The following PRKAR1A variants were observed in gnomAD, a reference collection of about 807,000 sequenced individuals.
PRKAR1A encodes cAMP-dependent protein kinase type I-alpha regulatory subunit.
A neutral mutation model predicts 52.0 loss-of-function variants in PRKAR1A; 3 were observed. The observed-to-expected ratio is 0.06, with a 90% CI of 0.03 to 0.15. The LOEUF (loss-of-function observed/expected upper bound fraction) is 0.15, where lower values mean the gene tolerates loss of function less well. PRKAR1A is among the 10% of genes least tolerant of loss of function. The pLI is 1.00. For synonymous variants in PRKAR1A, 188 were observed against 168.4 expected, an observed-to-expected ratio of 1.12 and a Z score of -0.90; for missense variants, 240 against 477.4, an observed-to-expected ratio of 0.50 and a Z score of 4.63.
intron 7 of PRKAR1A, 124 bp downstream of exon 7, chr17:68,526,036 A>C: frequency 8.0e-7 from 1 of 1,244,494 alleles, no homozygotes; most frequent in Non-Finnish European, 1.1e-6. Context: ...TCTTTTAATA[A>C]GCGAATATTT....
chr17:68,414,277 G>C, the PRKAR1A span: 1 of 152,186 alleles, frequency 6.6e-6, no homozygotes, highest in Non-Finnish European at 1.5e-5. Flanking sequence ...AGATGACCAT[G>C]TGATTTTTGT....
the PRKAR1A span, among the ~76,000 whole-genome samples, chr17:68,475,750 G>A: frequency 4.6e-5 from 7 of 152,104 alleles, no homozygotes; most frequent in East Asian, 1.9e-4. Context: ...GTGAGCCACC[G>A]CGCCCAGCCC....
intron 1 of PRKAR1A, chr17:68,512,946 T>G (rs2085309902): frequency 6.6e-6 from 1 of 152,372 alleles, no homozygotes; most frequent in African/African-American, 2.4e-5. Flanking sequence ...CGCCATCGTC[T>G]CGTCCGCCGG....
At chr17:68,515,919 T>C (rs1354481167) in intron 2 of PRKAR1A, 2 of 246,230 alleles carry the variant, frequency 8.1e-6, no homozygotes, top group Non-Finnish European at 1.6e-5. Context: ...TCTATAGTTC[T>C]TAAAGGCAGT....
upstream of PRKAR1A, among the ~76,000 whole-genome samples, chr17:68,507,815 A>G (rs748985609): frequency 7.2e-5 from 11 of 152,230 alleles, no homozygotes; most frequent in Non-Finnish European, 1.5e-4. Context: ...CTAGGAGATT[A>G]GTATTCAAAG....
At chr17:68,489,235 G>GTATATATATA in the PRKAR1A span, among the ~76,000 whole-genome samples, 1 of 10,090 alleles carries the variant, frequency 9.9e-5, no homozygotes, top group African/African-American at 3.4e-4. Context: ...TATATGGAAA[G>GTATATATATA]TATATATATA....
chr17:68,497,047 C>T, the PRKAR1A span, among the ~76,000 whole-genome samples: 1 of 152,052 alleles, frequency 6.6e-6, no homozygotes, highest in African/African-American at 2.4e-5. Flanking sequence ...TGGTCTCGAA[C>T]TCCTGAGCTC....
At chr17:68,458,983 A>G in the PRKAR1A span, among the ~76,000 whole-genome samples, 1 of 152,184 alleles carries the variant, frequency 6.6e-6, no homozygotes, top group East Asian at 1.9e-4. Context: ...ATAGATGAAC[A>G]AAGGGCACTA....
At chr17:68,425,861 T>C in the PRKAR1A span, 1 of 525,470 alleles carries the variant, frequency 1.9e-6, no homozygotes, top group Non-Finnish European at 3.4e-6. Context: ...GTGACTCTAA[T>C]GCCATCAGGG....
the PRKAR1A span, chr17:68,424,333 C>A: frequency 4.2e-6 from 2 of 471,588 alleles, no homozygotes; most frequent in East Asian, 1.3e-4. Context: ...AAAACAACAG[C>A]CCCAGCCCTG....
the PRKAR1A span, chr17:68,450,727 C>G: frequency 6.2e-7 from 1 of 1,604,826 alleles, no homozygotes; most frequent in Admixed American, 1.7e-5. Context: ...TCCCCACTTA[C>G]TTGCCGGTTC....
At chr17:68,491,392 A>G in the PRKAR1A span, among the ~76,000 whole-genome samples, 3 of 152,162 alleles carry the variant, frequency 2.0e-5, no homozygotes, top group African/African-American at 4.8e-5. Flanking sequence ...GCGCCCAGCC[A>G]AAATGATTAT....
intron 1 of PRKAR1A, chr17:68,513,097 GT>G (rs2085317499): frequency 6.8e-6 from 1 of 146,694 alleles, no homozygotes; most frequent in African/African-American, 2.6e-5. Flanking sequence ...ATTTCCTCTT[GT>G]CCCCTTTCAC....
At chr17:68,439,280 A>G in the PRKAR1A span, among the ~76,000 whole-genome samples, 2 of 152,242 alleles carry the variant, frequency 1.3e-5, no homozygotes, top group African/African-American at 4.8e-5. Flanking sequence ...TATTTTTATA[A>G]TAGAATATTA....
chr17:68,520,954 A>T (rs1368547701), intron 2 of PRKAR1A, among the ~76,000 whole-genome samples: 1 of 151,608 alleles, frequency 6.6e-6, no homozygotes, highest in South Asian at 2.1e-4. Context: ...TTTTATTATT[A>T]TTTTTTTGAG....
the PRKAR1A span, among the ~76,000 whole-genome samples, chr17:68,442,587 C>T: frequency 1.3e-5 from 2 of 152,010 alleles, no homozygotes; most frequent in African/African-American, 2.4e-5. Flanking sequence ...CATTTACTGT[C>T]CACTCCCCTC....
At chr17:68,423,997 C>T in the PRKAR1A span, among the ~76,000 whole-genome samples, 3 of 152,124 alleles carry the variant, frequency 2.0e-5, no homozygotes, top group East Asian at 5.8e-4. The surrounding 1 kb of genome is among the most constrained non-coding windows in gnomAD (Gnocchi z 4.4). Context: ...TCACATTTGT[C>T]CCCACGGTGT....
At chr17:68,549,426 C>T (rs2086728265) in intron 11 of PRKAR1A, among the ~76,000 whole-genome samples, 1 of 150,700 alleles carries the variant, frequency 6.6e-6, no homozygotes, top group Non-Finnish European at 1.5e-5. Flanking sequence ...CCTGGGAGGC[C>T]GAGGTTGCAG....
chr17:68,439,827 C>T, the PRKAR1A span, among the ~76,000 whole-genome samples: 1 of 152,122 alleles, frequency 6.6e-6, no homozygotes, highest in Non-Finnish European at 1.5e-5. Flanking sequence ...GAGGTCTTTC[C>T]AGATTTAACA....
Sources: allele counts gnomAD v4.1 joint callset (sites outside exome capture counted in the v4.1 genomes callset), GRCh38; gene constraint gnomAD v4.1.1; non-coding constraint Gnocchi (gnomAD v3.1); transcripts MANE v1.5; gene names NCBI Gene and HGNC (gene_info 2026-07-23, HGNC 2026-07-21).